ABL2: variants seen among roughly 807,000 people sequenced by gnomAD.
ABL2 encodes the protein tyrosine-protein kinase ABL2.
A neutral mutation model predicts 107.7 loss-of-function variants in ABL2; 49 were observed. That is an observed-to-expected ratio of 0.45 (90% CI 0.36 to 0.58). The LOEUF is 0.58. Among genes scored for constraint, ABL2 ranks in the 20% least tolerant of loss-of-function variants. The pLI is 0.00. For synonymous variants in ABL2, 549 were observed against 548.6 expected (o/e 1.00, Z -0.01); for missense variants, 1,245 against 1,457.0 (o/e 0.85, Z 2.37).
In ABL2 at chr1:179,156,696, C is replaced by G. The variant is rs114147518; in HGVS notation, c.158-23322G>C. Among the ~76,000 whole-genome samples, 1,223 of 152,048 alleles carry G rather than the reference C, an allele frequency of 8.0e-3. 14 individuals are homozygous for G. Among genetic ancestry groups the G allele is most frequent in the African/African-American group, 0.028 (1,168 of 41,458 alleles). ...TCAAAGACCATCCTGGTCAACTTGACGAAACCCCGTCTCTATTAAAAACAT... is the reference window on the plus strand; with the variant it reads ...TCAAAGACCATCCTGGTCAACTTGAGGAAACCCCGTCTCTATTAAAAACAT... On this transcript the variant is annotated intron_variant, in intron 1 of 11. Transcript: ENST00000502732.
At chr1:179,174,471 G>A (rs113555636) in intron 1 of ABL2, among the ~76,000 whole-genome samples, 5 of 151,680 alleles carry the variant, frequency 3.3e-5, no homozygotes, top group Admixed American at 1.3e-4. Flanking sequence ...TTAGCCGGGC[G>A]TGGTGGCACA....
chr1:179,111,683 G>A (rs1654092111), intron 10 of ABL2, among the ~76,000 whole-genome samples: 1 of 152,082 alleles, frequency 6.6e-6, no homozygotes, highest in African/African-American at 2.4e-5. Flanking sequence ...GTTAAACATG[G>A]TTATTGGACA....
chr1:179,205,216 G>A (rs1008833433), intron 1 of ABL2, among the ~76,000 whole-genome samples: 13 of 151,822 alleles, frequency 8.6e-5, no homozygotes, highest in African/African-American at 1.5e-4. Flanking sequence ...TAGTAGAGAC[G>A]GGGTTTCACC....
Position 179,103,306 on chromosome 1 carries a change from G to A in ABL2, c.*4412C>T, listed in dbSNP as rs1033664401. ...GATAAATGACAGAGGTGATTCTTAC[G>A]TATCTACATTTTCAGGTACCCCACA... On this transcript the variant is annotated 3_prime_UTR_variant, in exon 12 of 12. Transcript: ENST00000502732. 17 of 206,508 alleles carry A rather than the reference G, an allele frequency of 8.2e-5. No homozygotes were observed. Among genetic ancestry groups the A allele is most frequent in the East Asian group, 2.2e-4 (3 of 13,572 alleles). The allele number at this position is 206,508 out of a possible 1,614,324, so 12.8% of individuals were successfully genotyped here.
chr1:179,117,595 T>C, intron 7 of ABL2, 79 bp from the exon 8 acceptor site: 1 of 1,465,602 alleles, frequency 6.8e-7, no homozygotes. Context: ...CTTGGTTTTG[T>C]GTTATAGGCA....
At chr1:179,157,300 G>C (rs1228409060) in intron 1 of ABL2, among the ~76,000 whole-genome samples, 1 of 152,118 alleles carries the variant, frequency 6.6e-6, no homozygotes, top group Non-Finnish European at 1.5e-5. Flanking sequence ...TTCGAGACCA[G>C]CCTGGCCAAC....
intron 1 of ABL2, among the ~76,000 whole-genome samples, chr1:179,168,858 G>A (rs1196495085): frequency 1.3e-5 from 2 of 152,134 alleles, no homozygotes; most frequent in African/African-American, 2.4e-5. Flanking sequence ...CAATTTCTAA[G>A]GCTTTAAATT....
At chr1:179,148,040 T>TTTTC (rs1326661118) in intron 1 of ABL2, among the ~76,000 whole-genome samples, 1 of 40,070 alleles carries the variant, frequency 2.5e-5, no homozygotes, top group African/African-American at 8.1e-5. Context: ...TTTTCTTTTC[T>TTTTC]TTTTTTTTTT....
intron 1 of ABL2, among the ~76,000 whole-genome samples, chr1:179,210,646 T>TC (rs1662223037): frequency 6.6e-6 from 1 of 151,574 alleles, no homozygotes; most frequent in African/African-American, 2.4e-5. Context: ...AGGTCAGAGA[T>TC]CGAGACCATC....
At chr1:179,215,124 C>T (rs1662489408) in intron 1 of ABL2, among the ~76,000 whole-genome samples, 1 of 151,632 alleles carries the variant, frequency 6.6e-6, no homozygotes, top group Non-Finnish European at 1.5e-5. Context: ...CATACCACTG[C>T]ACTCCAGCCT....
In ABL2 at chr1:179,132,976, A is replaced by G. The variant is rs556951124; in HGVS notation, c.220+336T>C. On this transcript the variant is annotated intron_variant, in intron 2 of 11. Coordinates refer to ENST00000502732, the MANE Select transcript of ABL2 (RefSeq NM_007314.4). Reference sequence around the variant, plus strand: ...TAGGTTCAAGCAATTCTACTGCCTCAGCCTCCCGAGTAGGTGGGATTACAG... The same window carrying G: ...TAGGTTCAAGCAATTCTACTGCCTCGGCCTCCCGAGTAGGTGGGATTACAG... Among the ~76,000 whole-genome samples, 15 of 152,044 alleles carry G rather than the reference A, an allele frequency of 9.9e-5. No individual in the cohort carries two copies. The East Asian group carries it at 2.9e-3, about 29-fold the overall frequency.
At chr1:179,127,774 G>C (rs937944503) in intron 3 of ABL2, among the ~76,000 whole-genome samples, 1 of 152,032 alleles carries the variant, frequency 6.6e-6, no homozygotes, top group African/African-American at 2.4e-5. Flanking sequence ...TCTCATGCCT[G>C]TAATCCCAGC....
At chr1:179,227,920 G>A (rs1299863336) in intron 1 of ABL2, among the ~76,000 whole-genome samples, 3 of 151,736 alleles carry the variant, frequency 2.0e-5, no homozygotes, top group Admixed American at 6.6e-5. Flanking sequence ...GTGTGGTGGC[G>A]GGCGCCTGTA....
chr1:179,115,049 A>C lies in ABL2; in HGVS notation c.1409-19T>G. On this transcript the variant is annotated intron_variant, in intron 8 of 11. Transcript: ENST00000502732. ...CCAAAAGCTGCATAAGGAATTAAAA[A>C]AAGCACTTAGTGTTTCTTCTCCGAT... 6.4e-7 allele frequency: 1 copy of C among 1,569,496 alleles called. No homozygotes were observed. Among genetic ancestry groups the C allele is most frequent in the Non-Finnish European group, 8.6e-7 (1 of 1,160,990 alleles).
Position 179,108,356 on chromosome 1 carries a change from C to T in ABL2, c.2911G>A (p.Asp971Asn). 6.2e-7 allele frequency: 1 copy of T among 1,614,230 alleles called. No homozygotes were observed. The change falls in exon 12 of 12, where the codon GAC becomes AAC. Residue 971 changes from aspartate (D) to asparagine (N), a missense_variant. Transcript: ENST00000502732. ...TTTACCCGTCGGGGTCGGTCCTTGT[C>T]TCCAGAGGATGTGACCTGATGCTCA... ...LSEHQVTSSG[D>N]KDRPRRVKPK...
At chr1:179,110,752 T>C (rs1001084462) in intron 10 of ABL2, 1 of 1,613,782 alleles carries the variant, frequency 6.2e-7, no homozygotes, top group African/African-American at 1.3e-5. Context: ...TGTTTCCAGT[T>C]TGGAGTTACT....
chr1:179,221,912 T>C lies in ABL2; in HGVS notation c.157+7329A>G, dbSNP rs114570544. ...TTGGTGCCAAGGATCCATGAAATGA[T>C]GGGTCACGTAAAACCCATGATGTTT... On this transcript the variant is annotated intron_variant, in intron 1 of 11. Transcript: ENST00000502732. 3.4e-3 allele frequency: 800 copies of C among 234,628 alleles called. 9 individuals carry two copies. The highest frequency in any genetic ancestry group is 0.017 in the African/African-American group (752 of 43,558). The allele number at this position is 234,628 out of a possible 1,614,324, so 14.5% of individuals were successfully genotyped here.
chr1:179,218,888 TGTTCTA>T (rs1662724614), intron 1 of ABL2, among the ~76,000 whole-genome samples: 1 of 152,216 alleles, frequency 6.6e-6, no homozygotes, highest in Non-Finnish European at 1.5e-5. Flanking sequence ...GTTTCAGAAC[TGTTCTA>T]TATGATTTGA....
At chr1:179,178,401 CAAAAA>C (rs572438530) in intron 1 of ABL2, among the ~76,000 whole-genome samples, 3 of 68,642 alleles carry the variant, frequency 4.4e-5, no homozygotes, top group East Asian at 4.5e-4. Flanking sequence ...GACTCTGCCT[CAAAAA>C]AAAAAAAAAA....
Sources: allele counts gnomAD v4.1 joint callset (sites outside exome capture counted in the v4.1 genomes callset), GRCh38; gene constraint gnomAD v4.1.1; transcripts MANE v1.5; gene names NCBI Gene and HGNC (gene_info 2026-07-23, HGNC 2026-07-21).